Variants in DPP10 observed in about 807,000 individuals in gnomAD.
The protein encoded by DPP10 is inactive dipeptidyl peptidase 10.
A neutral mutation model predicts 120.9 loss-of-function variants in DPP10; 33 were observed. That is an observed-to-expected ratio of 0.27 (90% CI 0.21 to 0.37). The LOEUF (loss-of-function observed/expected upper bound fraction) is 0.37, where lower values mean the gene tolerates loss of function less well. DPP10 is among the 10% of genes least tolerant of loss of function. DPP10 has a pLI of 1.00. For missense variants in DPP10, 816 were observed against 942.8 expected (o/e 0.87, Z 1.76); for synonymous variants, 337 against 326.1 (o/e 1.03, Z -0.36).
rs565299347 is a variant in DPP10, at chr2:114,840,327, A to T, written c.60+397489A>T. Among the ~76,000 whole-genome samples the T allele has an allele frequency of 2.6e-5, 4 of 152,080 alleles. No individual in the cohort carries two copies. The South Asian group carries it at 8.3e-4, about 32-fold the overall frequency. ...GAGTGGGAAGATAAGGCAACCCAAA[A>T]CTCATCAAAGAGCTAAGCAAATGGA... On this transcript the variant is annotated intron_variant, in intron 1 of 25. Coordinates refer to ENST00000410059, the MANE Select transcript of DPP10 (RefSeq NM_020868.6).
chr2:114,857,832 T>G (rs556365519), intron 1 of DPP10, among the ~76,000 whole-genome samples: 7 of 152,312 alleles, frequency 4.6e-5, no homozygotes, highest in Admixed American at 4.6e-4. Flanking sequence ...GCAATTGTCC[T>G]TACTTTAATC....
chr2:114,934,023 C>A (rs978814762), intron 1 of DPP10, among the ~76,000 whole-genome samples: 1 of 152,126 alleles, frequency 6.6e-6, no homozygotes. Flanking sequence ...GACGTTCTGC[C>A]TACTAATGCT....
At chr2:114,829,957 T>C (rs1686938763) in intron 1 of DPP10, among the ~76,000 whole-genome samples, 1 of 152,036 alleles carries the variant, frequency 6.6e-6, no homozygotes, top group South Asian at 2.1e-4. Context: ...CTGCGGCCTG[T>C]CTTGAACCCA....
At chr2:114,929,523 A>G (rs1000865671) in intron 1 of DPP10, among the ~76,000 whole-genome samples, 1 of 152,220 alleles carries the variant, frequency 6.6e-6, no homozygotes, top group Non-Finnish European at 1.5e-5. Flanking sequence ...AAAAGAATTC[A>G]GAGATATTTC....
intron 7 of DPP10, among the ~76,000 whole-genome samples, chr2:115,725,261 A>G (rs2092737732): frequency 1.3e-5 from 2 of 152,182 alleles, no homozygotes; most frequent in South Asian, 4.1e-4. Context: ...ACCTGGGGAT[A>G]CTTGCAGCTC....
chr2:115,402,850 A>T (rs1422148027), intron 3 of DPP10, among the ~76,000 whole-genome samples: 6 of 57,998 alleles, frequency 1.0e-4, no homozygotes, highest in African/African-American at 3.1e-4. Flanking sequence ...AGGAAAAAAA[A>T]AAAAATATAT....
chr2:115,038,751 A>T (rs1261559911), intron 1 of DPP10, among the ~76,000 whole-genome samples: 2 of 152,150 alleles, frequency 1.3e-5, no homozygotes, highest in Non-Finnish European at 2.9e-5. Context: ...GACAGTGATT[A>T]CTCTCGCTTT....
intron 1 of DPP10, among the ~76,000 whole-genome samples, chr2:115,267,772 G>A (rs1425281628): frequency 6.6e-6 from 1 of 152,162 alleles, no homozygotes; most frequent in African/African-American, 2.4e-5. Context: ...GAGCCTTCAC[G>A]ATGGCTCCCA....
intron 19 of DPP10, among the ~76,000 whole-genome samples, chr2:115,804,456 T>C (rs1377841996): frequency 6.6e-6 from 1 of 152,234 alleles, no homozygotes; most frequent in African/African-American, 2.4e-5. Context: ...CCATGCAGCT[T>C]CGTTCCGTTG....
At chr2:115,081,419 G>A (rs1708263229) in intron 1 of DPP10, among the ~76,000 whole-genome samples, 1 of 152,180 alleles carries the variant, frequency 6.6e-6, no homozygotes, top group South Asian at 2.1e-4. Context: ...TCTGCTCACA[G>A]AGATCTTAAT....
chr2:114,765,045 C>T (rs1680592521), intron 1 of DPP10, among the ~76,000 whole-genome samples: 1 of 151,980 alleles, frequency 6.6e-6, no homozygotes, highest in Non-Finnish European at 1.5e-5. Flanking sequence ...CATATTGGGG[C>T]CATCATTTCA....
chr2:115,563,358 T>C (rs1422386723), intron 5 of DPP10, among the ~76,000 whole-genome samples: 2 of 152,326 alleles, frequency 1.3e-5, no homozygotes, highest in East Asian at 3.9e-4. Flanking sequence ...TGTTTATTGT[T>C]TTTGTGTATC....
intron 1 of DPP10, among the ~76,000 whole-genome samples, chr2:114,459,527 G>C (rs1482614041): frequency 6.6e-6 from 1 of 152,098 alleles, no homozygotes; most frequent in Non-Finnish European, 1.5e-5. Flanking sequence ...CCTCTTCCCT[G>C]GGTTTTCCTT....
At chr2:115,562,379 C>G (rs557439918) in intron 5 of DPP10, among the ~76,000 whole-genome samples, 2 of 152,146 alleles carry the variant, frequency 1.3e-5, no homozygotes, top group African/African-American at 4.8e-5. Flanking sequence ...TTTTCCTTCA[C>G]CCTAACTCAG....
chr2:115,712,393 ACCT>A (rs2092347243), intron 7 of DPP10, among the ~76,000 whole-genome samples: 1 of 150,484 alleles, frequency 6.6e-6, no homozygotes, highest in African/African-American at 2.4e-5. Flanking sequence ...CCCATGGTTC[ACCT>A]CCTGCTGTGA....
intron 1 of DPP10, among the ~76,000 whole-genome samples, chr2:114,756,779 C>T (rs1679789036): frequency 6.6e-6 from 1 of 151,648 alleles, no homozygotes; most frequent in Non-Finnish European, 1.5e-5. Context: ...CCCTTAATCT[C>T]TACTTTTTTT....
intron 1 of DPP10, among the ~76,000 whole-genome samples, chr2:115,295,107 C>T (rs191684215): frequency 2.8e-4 from 42 of 152,132 alleles, no homozygotes; most frequent in Non-Finnish European, 4.3e-4. Flanking sequence ...TTTTAACTAA[C>T]GGTACTGACA....
chr2:114,719,838 G>A (rs1393832011), intron 1 of DPP10, among the ~76,000 whole-genome samples: 2 of 152,244 alleles, frequency 1.3e-5, no homozygotes, highest in South Asian at 2.1e-4. Flanking sequence ...TCATTTAAAG[G>A]GGTTAGCAAA....
At chr2:115,840,970 G>A (rs272011) in intron 25 of DPP10, 147 bp downstream of exon 25, 490,474 of 567,422 alleles carry the variant, frequency 0.86, 214,902 homozygotes, top group Middle Eastern at 0.93. Flanking sequence ...CTCTGTTCCT[G>A]ATTACACCGA....
Sources: gnomAD v4.1 joint callset for allele counts (sites outside exome capture counted in the v4.1 genomes callset) on GRCh38, gnomAD v4.1.1 for gene constraint, MANE v1.5 for transcripts, NCBI Gene and HGNC (gene_info 2026-07-23, HGNC 2026-07-21) for gene names.